Variants in SPPL3 observed in about 807,000 individuals in gnomAD.
SPPL3 encodes signal peptide peptidase like 3, also known as signal peptide peptidase-like 3.
SPPL3 carries 5 observed loss-of-function variants against 42.4 expected under a neutral mutation model. That is an observed-to-expected ratio of 0.12 (90% CI 0.06 to 0.25). The LOEUF is 0.25. Among genes scored for constraint, SPPL3 ranks in the 10% least tolerant of loss-of-function variants. SPPL3 has a pLI of 1.00. For synonymous variants in SPPL3, 195 were observed against 181.8 expected, an observed-to-expected ratio of 1.07 and a Z score of -0.58; for missense variants, 235 against 489.0, an observed-to-expected ratio of 0.48 and a Z score of 4.90.
chr12:120,830,625 T>G (rs1447620208), intron 1 of SPPL3, among the ~76,000 whole-genome samples: 159 of 83,730 alleles, frequency 1.9e-3, no homozygotes, highest in Admixed American at 2.3e-3. Flanking sequence ...ATGCATATGT[T>G]GGGGAGAGCA....
chr12:120,837,440 T>A lies in SPPL3; in HGVS notation c.24-26554A>T, dbSNP rs554518506. 9.2e-5 allele frequency among the ~76,000 whole-genome samples: 14 copies of A among 152,348 alleles called. No homozygotes were observed. The East Asian group carries it at 2.7e-3, about 29-fold the overall frequency. ...CACAAAAATAATGTTAAATCAATAG[T>A]CTTCAATTAGCTGAAATACGTGATA... On this transcript the variant is annotated intron_variant, in intron 1 of 10. Transcript: ENST00000353487.
At chr12:120,843,190 T>C (rs891366914) in intron 1 of SPPL3, among the ~76,000 whole-genome samples, 3 of 152,164 alleles carry the variant, frequency 2.0e-5, no homozygotes, top group Non-Finnish European at 2.9e-5. Context: ...AGTTATAACA[T>C]AGAGTGACAT....
chr12:120,851,193 C>T (rs1045408951), intron 1 of SPPL3, among the ~76,000 whole-genome samples: 1 of 152,172 alleles, frequency 6.6e-6, no homozygotes, highest in African/African-American at 2.4e-5. Context: ...TGCTTAGCCA[C>T]AGTGATATAG....
chr12:120,785,270 AT>A (rs1869682831), intron 3 of SPPL3, among the ~76,000 whole-genome samples: 1 of 151,774 alleles, frequency 6.6e-6, no homozygotes, highest in East Asian at 1.9e-4. Context: ...AAAAAAATTT[AT>A]TTTATGGGAA....
At chr12:120,798,155 C>G (rs1870169192) in intron 2 of SPPL3, among the ~76,000 whole-genome samples, 1 of 152,120 alleles carries the variant, frequency 6.6e-6, no homozygotes. Context: ...GTGGTGGACT[C>G]CCTGAAACAT....
At chr12:120,869,099 T>C (rs961456711) in intron 1 of SPPL3, among the ~76,000 whole-genome samples, 3 of 152,176 alleles carry the variant, frequency 2.0e-5, no homozygotes, top group African/African-American at 7.2e-5. Context: ...CACTATTTAA[T>C]ATATTAAAAC....
intron 1 of SPPL3, among the ~76,000 whole-genome samples, chr12:120,835,967 T>C (rs1457353274): frequency 1.3e-5 from 2 of 152,202 alleles, no homozygotes; most frequent in Non-Finnish European, 2.9e-5. Flanking sequence ...CAGAAAACTA[T>C]GTAACCATAT....
chr12:120,766,436 G>GACTTTGCCCA, intron 9 of SPPL3, 64 bp from the exon 10 acceptor site: 1 of 1,350,594 alleles, frequency 7.4e-7, no homozygotes, highest in Non-Finnish European at 1.0e-6. Flanking sequence ...GCTGCTGCTG[G>GACTTTGCCCA]GCAAAGTCCT....
chr12:120,859,082 AT>A (rs577169675), intron 1 of SPPL3, among the ~76,000 whole-genome samples: 3 of 150,536 alleles, frequency 2.0e-5, no homozygotes, highest in South Asian at 2.1e-4. Flanking sequence ...GTAACTTTTA[AT>A]TTTTTTTCTA....
At chr12:120,822,080 A>G (rs947188442) in intron 1 of SPPL3, among the ~76,000 whole-genome samples, 1 of 152,178 alleles carries the variant, frequency 6.6e-6, no homozygotes, top group Non-Finnish European at 1.5e-5. Context: ...AATAGCGGAT[A>G]CCAGGACTGG....
At chr12:120,869,375 A>G (rs1484185141) in intron 1 of SPPL3, among the ~76,000 whole-genome samples, 1 of 152,210 alleles carries the variant, frequency 6.6e-6, no homozygotes, top group Non-Finnish European at 1.5e-5. Flanking sequence ...CATGTAAAAA[A>G]TGATTTGTGT....
chr12:120,783,839 C>A, intron 4 of SPPL3, 87 bp from the exon 5 acceptor site: 1 of 1,097,542 alleles, frequency 9.1e-7, no homozygotes, highest in Non-Finnish European at 1.4e-6. Flanking sequence ...AAACACTAGA[C>A]AAGTGGATAC....
At chr12:120,860,159 T>C (rs1470176130) in intron 1 of SPPL3, among the ~76,000 whole-genome samples, 1 of 152,144 alleles carries the variant, frequency 6.6e-6, no homozygotes, top group Non-Finnish European at 1.5e-5. Context: ...GCCATGATCA[T>C]GCCAGTGCAC....
intron 2 of SPPL3, among the ~76,000 whole-genome samples, chr12:120,806,487 CATAAAAATT>C (rs1223079473): frequency 6.6e-6 from 1 of 151,936 alleles, no homozygotes; most frequent in Non-Finnish European, 1.5e-5. Context: ...TCATGCCATA[CATAAAAATT>C]AACTCAAAAT....
At chr12:120,801,179 G>T (rs1184327096) in intron 2 of SPPL3, among the ~76,000 whole-genome samples, 1 of 152,184 alleles carries the variant, frequency 6.6e-6, no homozygotes, top group Non-Finnish European at 1.5e-5. Context: ...AAGATTAATT[G>T]AGAGTCTGAC....
intron 1 of SPPL3, among the ~76,000 whole-genome samples, chr12:120,863,512 T>C (rs935333535): frequency 1.3e-5 from 2 of 152,182 alleles, no homozygotes; most frequent in Non-Finnish European, 2.9e-5. Context: ...TGTACTATGA[T>C]ATATAGTTTG....
chr12:120,775,234 C>G (rs1869273804), intron 6 of SPPL3, among the ~76,000 whole-genome samples: 1 of 152,072 alleles, frequency 6.6e-6, no homozygotes, highest in African/African-American at 2.4e-5. Flanking sequence ...CACTGCAACC[C>G]CTGCCTTCCA....
At chr12:120,901,069 T>C in intron 1 of SPPL3, among the ~76,000 whole-genome samples, 1 of 152,040 alleles carries the variant, frequency 6.6e-6, no homozygotes, top group East Asian at 1.9e-4. Context: ...TATATTTCAA[T>C]AAGAATGAGT....
intron 3 of SPPL3, among the ~76,000 whole-genome samples, chr12:120,791,099 TGG>T (rs1869899264): frequency 6.6e-6 from 1 of 151,702 alleles, no homozygotes; most frequent in Non-Finnish European, 1.5e-5. Flanking sequence ...GAATTACAGG[TGG>T]GAGACACTGC....
Sources: gnomAD v4.1 joint callset for allele counts (sites outside exome capture counted in the v4.1 genomes callset) on GRCh38, gnomAD v4.1.1 for gene constraint, MANE v1.5 for transcripts, NCBI Gene and HGNC (gene_info 2026-07-23, HGNC 2026-07-21) for gene names.